The following SERPINI1 variants were observed in gnomAD, a reference collection of about 807,000 sequenced individuals.
The protein encoded by SERPINI1 is neuroserpin.
Under a neutral mutation model 41.1 loss-of-function variants are expected in SERPINI1, and 19 were observed. The observed-to-expected ratio is 0.46, with a 90% confidence interval of 0.32 to 0.68. The LOEUF (loss-of-function observed/expected upper bound fraction) is 0.68. Ranked by LOEUF, SERPINI1 falls within the 30% of genes least tolerant of loss-of-function variation. The pLI is 0.03. For missense variants in SERPINI1, 460 were observed against 479.2 expected (o/e 0.96, Z 0.37); for synonymous variants, 138 against 156.6 (o/e 0.88, Z 0.89).
At chr3:167,742,432 A>T (rs1725709503) in intron 1 of SERPINI1, among the ~76,000 whole-genome samples, 1 of 152,194 alleles carries the variant, frequency 6.6e-6, no homozygotes, top group Non-Finnish European at 1.5e-5. Context: ...ATGTTGTCAG[A>T]ATTTTGTCCT....
intron 6 of SERPINI1, among the ~76,000 whole-genome samples, chr3:167,822,532 G>T (rs894875301): frequency 1.4e-4 from 22 of 151,974 alleles, no homozygotes; most frequent in Non-Finnish European, 2.1e-4. Flanking sequence ...ATTTTTCTTT[G>T]CCAAGGGTAT....
intron 1 of SERPINI1, among the ~76,000 whole-genome samples, chr3:167,745,334 A>C (rs1366605256): frequency 6.6e-6 from 1 of 152,030 alleles, no homozygotes. Flanking sequence ...TCAATTGAAG[A>C]AGAAAAATAT....
At chr3:167,778,360 T>C (rs1727023356) in intron 1 of SERPINI1, among the ~76,000 whole-genome samples, 1 of 152,214 alleles carries the variant, frequency 6.6e-6, no homozygotes, top group Non-Finnish European at 1.5e-5. Context: ...GAGATATTTC[T>C]CAAATTTGCC....
At chr3:167,768,271 T>C (rs1220315977) in intron 1 of SERPINI1, among the ~76,000 whole-genome samples, 1 of 152,198 alleles carries the variant, frequency 6.6e-6, no homozygotes, top group Non-Finnish European at 1.5e-5. Context: ...AGATGATCAT[T>C]AGCATTTTTC....
intron 1 of SERPINI1, among the ~76,000 whole-genome samples, chr3:167,745,225 TG>T (rs1303564578): frequency 6.6e-6 from 1 of 151,792 alleles, no homozygotes; most frequent in Non-Finnish European, 1.5e-5. Context: ...TTATATACCA[TG>T]ATCCAGTAAG....
intron 8 of SERPINI1, among the ~76,000 whole-genome samples, chr3:167,824,763 G>A (rs1712458023): frequency 6.6e-6 from 1 of 151,954 alleles, no homozygotes; most frequent in South Asian, 2.1e-4. Context: ...AATAAGGCTG[G>A]TGAGGTGGCT....
intron 3 of SERPINI1, among the ~76,000 whole-genome samples, chr3:167,791,074 G>C (rs1727490487): frequency 6.6e-6 from 1 of 152,108 alleles, no homozygotes; most frequent in South Asian, 2.1e-4. Context: ...TTTCAAAAGA[G>C]CAGCTTATTT....
intron 1 of SERPINI1, among the ~76,000 whole-genome samples, chr3:167,767,635 A>T (rs964520574): frequency 6.6e-6 from 1 of 152,178 alleles, no homozygotes; most frequent in Non-Finnish European, 1.5e-5. Context: ...TTTGGAAAAA[A>T]TGTTATCTTT....
chr3:167,787,390 A>G (rs1727349584), intron 1 of SERPINI1, among the ~76,000 whole-genome samples: 1 of 152,258 alleles, frequency 6.6e-6, no homozygotes, highest in East Asian at 1.9e-4. Flanking sequence ...ATACTTTTAT[A>G]CAACTTGCAG....
chr3:167,806,125 T>C (rs2108566611), intron 5 of SERPINI1, among the ~76,000 whole-genome samples: 1 of 152,238 alleles, frequency 6.6e-6, no homozygotes, highest in South Asian at 2.1e-4. Context: ...ATATATGCCA[T>C]GAAATACTAT....
chr3:167,802,890 A>G (rs1711503859), intron 5 of SERPINI1, among the ~76,000 whole-genome samples: 2 of 150,528 alleles, frequency 1.3e-5, no homozygotes, highest in South Asian at 4.2e-4. Flanking sequence ...ATGTCCAACA[A>G]TGATAGACTG....
chr3:167,812,625 A>C (rs554985736), intron 6 of SERPINI1, among the ~76,000 whole-genome samples: 1 of 152,322 alleles, frequency 6.6e-6, no homozygotes, highest in South Asian at 2.1e-4. Context: ...AAACCCTCCA[A>C]GATTGATTCT....
chr3:167,750,862 A>T (rs1328635821), intron 1 of SERPINI1, among the ~76,000 whole-genome samples: 1 of 152,160 alleles, frequency 6.6e-6, no homozygotes, highest in Middle Eastern at 3.2e-3. Flanking sequence ...AATTGTCCAT[A>T]TTTACTTCAC....
chr3:167,764,099 A>G (rs1726479383), intron 1 of SERPINI1, among the ~76,000 whole-genome samples: 1 of 152,138 alleles, frequency 6.6e-6, no homozygotes, highest in Non-Finnish European at 1.5e-5. Flanking sequence ...AATTGCATCA[A>G]TTATAATGGC....
chr3:167,793,411 T>C (rs148257129), intron 4 of SERPINI1, among the ~76,000 whole-genome samples: 50 of 151,852 alleles, frequency 3.3e-4, no homozygotes, highest in African/African-American at 1.2e-3. Context: ...TTTAGCCAGG[T>C]ATATGTTAGT....
At chr3:167,816,509 G>A (rs368445667) in intron 6 of SERPINI1, among the ~76,000 whole-genome samples, 1 of 152,032 alleles carries the variant, frequency 6.6e-6, no homozygotes, top group Admixed American at 6.5e-5. Flanking sequence ...CAGTATACTG[G>A]GTTAAAGACT....
chr3:167,765,880 G>A (rs1482094381), intron 1 of SERPINI1, among the ~76,000 whole-genome samples: 2 of 152,172 alleles, frequency 1.3e-5, no homozygotes, highest in Admixed American at 6.5e-5. Context: ...AATGCTGCCA[G>A]TCTCTTTGCT....
Sources: gnomAD v4.1 joint callset for allele counts (sites outside exome capture counted in the v4.1 genomes callset) on GRCh38, gnomAD v4.1.1 for gene constraint, MANE v1.5 for transcripts, NCBI Gene and HGNC (gene_info 2026-07-23, HGNC 2026-07-21) for gene names.